FAM186B: variants seen among roughly 807,000 people sequenced by gnomAD.
FAM186B encodes the protein protein FAM186B.
A neutral mutation model predicts 83.4 loss-of-function variants in FAM186B; 68 were observed. The observed-to-expected ratio is 0.81, with a 90% confidence interval of 0.67 to 1.00. The LOEUF (loss-of-function observed/expected upper bound fraction) is 1.00, where lower values mean the gene tolerates loss of function less well. Among genes scored for constraint, FAM186B ranks in the 50% least tolerant of loss-of-function variants. FAM186B has a pLI of 0.00. For missense variants in FAM186B, 983 were observed against 1,099.2 expected (o/e 0.89, Z 1.49); for synonymous variants, 389 against 422.0 (o/e 0.92, Z 0.96).
the FAM186B span, among the ~76,000 whole-genome samples, chr12:49,618,686 C>A: frequency 6.6e-6 from 1 of 151,900 alleles, no homozygotes; most frequent in Non-Finnish European, 1.5e-5. Flanking sequence ...TGGAAAAACT[C>A]AGAAGAATGG....
the FAM186B span, chr12:49,622,671 C>G: frequency 6.6e-6 from 1 of 152,294 alleles, no homozygotes; most frequent in African/African-American, 2.4e-5. Context: ...AGGAGTTTTT[C>G]TACCTCTCCG....
At chr12:49,595,113 A>G (rs1939683367) in intron 5 of FAM186B, 3 of 382,706 alleles carry the variant, frequency 7.8e-6, no homozygotes, top group Non-Finnish European at 1.5e-5. Flanking sequence ...GCATGAAAAC[A>G]TATAACCTGA....
downstream of FAM186B, chr12:49,584,226 G>C (rs1345407635): frequency 2.4e-6 from 1 of 421,574 alleles, no homozygotes; most frequent in African/African-American, 2.0e-5. Flanking sequence ...ACAACACTCA[G>C]AGGGTTCTAA....
chr12:49,599,998 G>C lies in FAM186B; in HGVS notation c.1642C>G (p.Pro548Ala). Reference sequence around the variant, plus strand: ...TCCACATCCTCCCCTAGCTGCTCTGGCTCTCTCCGTGGGCTCTCCTGCTCC... The same window carrying C: ...TCCACATCCTCCCCTAGCTGCTCTGCCTCTCTCCGTGGGCTCTCCTGCTCC... The part of the protein sequence containing the change: ...EKEQESPRRE[P>A]EQLGEDVERR... Residue 548 changes from proline to alanine, a missense_variant, in exon 4 of 7, where the codon CCA becomes GCA. Coordinates refer to ENST00000257894, the MANE Select transcript of FAM186B (RefSeq NM_032130.3). 1 of 1,612,646 alleles carries C rather than the reference G, an allele frequency of 6.2e-7. No individual in the cohort carries two copies. The highest frequency in any genetic ancestry group is 8.5e-7 in the Non-Finnish European group (1 of 1,179,436).
At chr12:49,593,643 A>AAAAAAG (rs61115320) in intron 5 of FAM186B, among the ~76,000 whole-genome samples, 12,671 of 150,168 alleles carry the variant, frequency 0.084, 703 homozygotes, top group African/African-American at 0.14. Context: ...AAAAAAAAAA[A>AAAAAAG]AAAGAAAAGA....
At chr12:49,619,598 G>A in the FAM186B span, 1 of 662,700 alleles carries the variant, frequency 1.5e-6, no homozygotes, top group South Asian at 1.5e-5. Flanking sequence ...GGAATTCTGG[G>A]CAAAACCTAC....
At chr12:49,606,340 T>A (rs985540211), upstream of FAM186B, among the ~76,000 whole-genome samples, 2 of 150,932 alleles carry the variant, frequency 1.3e-5, no homozygotes, top group South Asian at 2.1e-4. Context: ...CAAAAAAATT[T>A]AAAAAATAGC....
chr12:49,605,185 G>A, intron 1 of FAM186B, 197 bp downstream of exon 1: 1 of 1,404,430 alleles, frequency 7.1e-7, no homozygotes, highest in African/African-American at 1.5e-5. Flanking sequence ...TCAGGCGGGT[G>A]GTTGCTTTCA....
chr12:49,596,890 G>A (rs1939739656), intron 5 of FAM186B, among the ~76,000 whole-genome samples: 1 of 152,116 alleles, frequency 6.6e-6, no homozygotes, highest in Non-Finnish European at 1.5e-5. Context: ...GCCCATCAGT[G>A]GACCAATGAA....
downstream of FAM186B, chr12:49,583,061 C>G (rs1225093924): frequency 2.2e-6 from 1 of 456,328 alleles, no homozygotes; most frequent in Admixed American, 2.3e-5. Context: ...AGTCCTCCAT[C>G]ACCAGAGCAA....
chr12:49,595,697 C>T (rs1484128266), intron 5 of FAM186B: 1 of 362,098 alleles, frequency 2.8e-6, no homozygotes, highest in Non-Finnish European at 5.6e-6. Flanking sequence ...ACTAGAGCAG[C>T]AAGTGGCTGG....
the FAM186B span, among the ~76,000 whole-genome samples, chr12:49,614,495 C>G: frequency 6.6e-6 from 1 of 152,168 alleles, no homozygotes; most frequent in Non-Finnish European, 1.5e-5. Context: ...CCAAATACCA[C>G]GTGTTCTCAC....
intron 3 of FAM186B, 30 bp downstream of exon 3, chr12:49,603,155 G>C: frequency 6.2e-7 from 1 of 1,613,420 alleles, no homozygotes; most frequent in East Asian, 2.2e-5. Flanking sequence ...TCCCCACCTA[G>C]CTCCCTGGCC....
chr12:49,603,402 GT>G, intron 2 of FAM186B, 35 bp from the exon 3 acceptor site: 3 of 1,610,444 alleles, frequency 1.9e-6, no homozygotes, highest in Non-Finnish European at 2.5e-6. Context: ...GCTGAGAGCA[GT>G]CTGTCCTCCA....
chr12:49,599,353 C>T, intron 4 of FAM186B, 116 bp downstream of exon 4: 1 of 1,405,870 alleles, frequency 7.1e-7, no homozygotes, highest in Non-Finnish European at 9.3e-7. Flanking sequence ...CCTGTCCAGG[C>T]CTGGGGTGGC....
At chr12:49,597,319 G>A (rs1165804534) in intron 5 of FAM186B, among the ~76,000 whole-genome samples, 5 of 152,146 alleles carry the variant, frequency 3.3e-5, no homozygotes, top group African/African-American at 1.2e-4. Flanking sequence ...AATATGGTTG[G>A]CCCCGGAGGA....
chr12:49,607,616 C>G (rs554277192), upstream of FAM186B, among the ~76,000 whole-genome samples: 5 of 152,214 alleles, frequency 3.3e-5, no homozygotes, highest in African/African-American at 1.2e-4. Context: ...AAAAAAGATA[C>G]GGTTCTATAA....
In FAM186B at chr12:49,599,639, C is replaced by G; in HGVS notation, c.2001G>C (p.Glu667Asp). The G allele has an allele frequency of 1.2e-6, 2 of 1,607,764 alleles. No individual in the cohort carries two copies. Among genetic ancestry groups the G allele is most frequent in the Non-Finnish European group, 1.7e-6 (2 of 1,177,062 alleles). Residue 667 changes from glutamate to aspartate, a missense_variant, in exon 4 of 7, where the codon GAG becomes GAC. Coordinates refer to ENST00000257894, the MANE Select transcript of FAM186B (RefSeq NM_032130.3). ...IKKKVYHMDM[E>D]AQRKNLQLLS... ...GGAGCTGCAGGTTCTTCCTCTGGGCCTCCATGTCCATGTGGTACACCTTCT... is the reference window on the plus strand; with the variant it reads ...GGAGCTGCAGGTTCTTCCTCTGGGCGTCCATGTCCATGTGGTACACCTTCT...
rs772604863 is a variant in FAM186B at position 49,600,707 on chromosome 12, C to T, written c.933G>A (p.Lys311=). ...GGRYHDLLLM[K]QALEFQLKKA... ...TCTTCAGCTGGAACTCCAAGGCCTG[C>T]TTCATCAGGAGAAGGTCATGGTACC... Residue 311 remains lysine, a synonymous_variant, in exon 4 of 7, where the codon AAG becomes AAA. Coordinates refer to ENST00000257894, the MANE Select transcript of FAM186B (RefSeq NM_032130.3). This position sits in a 1 kb window ranked among gnomAD's most constrained non-coding sequence, Gnocchi z 4.3. 6 of 1,614,062 alleles carry T rather than the reference C, an allele frequency of 3.7e-6. No homozygotes were observed. The highest frequency in any genetic ancestry group is 3.3e-5 in the Admixed American group (2 of 60,008).
Sources: allele counts gnomAD v4.1 joint callset (sites outside exome capture counted in the v4.1 genomes callset), GRCh38; gene constraint gnomAD v4.1.1; non-coding constraint Gnocchi (gnomAD v3.1); transcripts MANE v1.5; gene names NCBI Gene and HGNC (gene_info 2026-07-23, HGNC 2026-07-21).